The following SOCS5 variants were observed in gnomAD, a reference collection of about 807,000 sequenced individuals.
SOCS5 encodes suppressor of cytokine signaling 5.
In SOCS5, 32 loss-of-function variants were observed where a neutral mutation model predicts 42.8. The observed-to-expected ratio is 0.75, with a 90% confidence interval of 0.56 to 1.01. The LOEUF is 1.01. Ranked by LOEUF, SOCS5 falls within the 50% of genes least tolerant of loss-of-function variation. SOCS5 has a pLI of 0.00. For missense variants in SOCS5, 627 were observed against 653.0 expected (o/e 0.96, Z 0.43); for synonymous variants, 283 against 229.6 (o/e 1.23, Z -2.10).
chr2:46,706,802 G>A (rs1672473398), intron 1 of SOCS5, among the ~76,000 whole-genome samples: 1 of 152,090 alleles, frequency 6.6e-6, no homozygotes, highest in Non-Finnish European at 1.5e-5. Context: ...GAGATCAGCC[G>A]GTGAAGAGGG....
Position 46,699,596 on chromosome 2 carries a change from C to T in SOCS5, c.-13+147C>T, listed in dbSNP as rs1316276698. ...CCCCGCACCGCGGCGGAGGCAGCGC[C>T]GGCCTCTGGCTGGGATGGGCTGGCC... On this transcript the variant is annotated intron_variant, in intron 1 of 1. Coordinates refer to ENST00000394861, the MANE Select transcript of SOCS5 (RefSeq NM_144949.3). This position sits in a 1 kb window ranked among gnomAD's most constrained non-coding sequence, Gnocchi z 4.8. 4 of 152,200 alleles carry T rather than the reference C, an allele frequency of 2.6e-5. No individual in the cohort carries two copies. Among genetic ancestry groups the T allele is most frequent in the Non-Finnish European group, 5.9e-5 (4 of 68,062 alleles). 9.4% of individuals were successfully genotyped at this position (152,200 alleles called of 1,614,324 possible).
intron 1 of SOCS5, among the ~76,000 whole-genome samples, chr2:46,748,716 G>A (rs1392666805): frequency 6.6e-6 from 1 of 152,056 alleles, no homozygotes; most frequent in Non-Finnish European, 1.5e-5. Flanking sequence ...AAGTAAAAAA[G>A]TTGTTATTAT....
intron 1 of SOCS5, among the ~76,000 whole-genome samples, chr2:46,713,959 G>T (rs1466165735): frequency 2.0e-5 from 3 of 151,970 alleles, no homozygotes; most frequent in Admixed American, 2.0e-4. Context: ...TATTTTTCAG[G>T]TATCCTTTTG....
chr2:46,717,677 T>C (rs1340370345), intron 1 of SOCS5, among the ~76,000 whole-genome samples: 1 of 152,200 alleles, frequency 6.6e-6, no homozygotes, highest in Non-Finnish European at 1.5e-5. Flanking sequence ...ATTTCTCTTT[T>C]TATCTTTGGT....
chr2:46,752,308 T>A (rs997228108), intron 1 of SOCS5, among the ~76,000 whole-genome samples: 1 of 152,102 alleles, frequency 6.6e-6, no homozygotes, highest in East Asian at 1.9e-4. Flanking sequence ...TATGAGACTC[T>A]TAACTAATGC....
chr2:46,762,395 A>ACTTG lies in SOCS5; in HGVS notation c.*2255_*2258dup, dbSNP rs1206310601. The ACTTG allele has an allele frequency of 3.0e-5, 5 of 166,740 alleles. No homozygotes were observed. Among genetic ancestry groups the ACTTG allele is most frequent in the Admixed American group, 6.5e-5 (1 of 15,290 alleles). The allele number at this position is 166,740 out of a possible 1,614,324, so 10.3% of individuals were successfully genotyped here. A position where few individuals can be genotyped will look rare whatever the true frequency, so the allele number is the denominator to read the frequency against. ...AGGAAACTTGAAACTCCAAGAAAGC[A>ACTTG]CTTGATGTTTTTATATGCTTGTAGC... is the stretch of plus-strand genomic sequence containing the variant. On this transcript the variant is annotated 3_prime_UTR_variant, in exon 2 of 2. Coordinates refer to ENST00000394861, the MANE Select transcript of SOCS5 (RefSeq NM_144949.3).
At chr2:46,713,314 C>T (rs1672669521) in intron 1 of SOCS5, among the ~76,000 whole-genome samples, 1 of 152,226 alleles carries the variant, frequency 6.6e-6, no homozygotes. Flanking sequence ...TGTGATCATG[C>T]CACTGCACTC....
Position 46,718,874 on chromosome 2 carries a change from T to C in SOCS5, c.-13+19425T>C, listed in dbSNP as rs532406053. On this transcript the variant is annotated intron_variant, in intron 1 of 1. Transcript: ENST00000394861. ...ACATACAGTGATACAGCTTTCTAAA[T>C]GGCAGTTTGGCAATATTCAGAATCC... Among the ~76,000 whole-genome samples, 21 of 152,334 alleles carry C rather than the reference T, an allele frequency of 1.4e-4. 1 individual carries two copies. In the South Asian group the frequency reaches 3.9e-3, roughly 29 times the overall value.
At chr2:46,708,900 T>C (rs925999115) in intron 1 of SOCS5, among the ~76,000 whole-genome samples, 5 of 146,626 alleles carry the variant, frequency 3.4e-5, no homozygotes, top group African/African-American at 1.3e-4. Flanking sequence ...TTTTTTTTTT[T>C]TTTTTGAGAT....
At chr2:46,709,557 G>A (rs895593518) in intron 1 of SOCS5, among the ~76,000 whole-genome samples, 1 of 152,172 alleles carries the variant, frequency 6.6e-6, no homozygotes, top group Non-Finnish European at 1.5e-5. Flanking sequence ...ACTATTAGGA[G>A]TTGGGAAAAA....
At chr2:46,728,420 G>C (rs1673042950) in intron 1 of SOCS5, among the ~76,000 whole-genome samples, 1 of 152,122 alleles carries the variant, frequency 6.6e-6, no homozygotes, top group Admixed American at 6.5e-5. Context: ...TATCATTTGA[G>C]TGCTTACTAT....
intron 1 of SOCS5, among the ~76,000 whole-genome samples, chr2:46,754,674 GTTTA>G (rs1261580993): frequency 6.6e-6 from 1 of 151,878 alleles, no homozygotes; most frequent in Non-Finnish European, 1.5e-5. Flanking sequence ...TGAATTATAT[GTTTA>G]TTTTTTACCC....
intron 1 of SOCS5, among the ~76,000 whole-genome samples, chr2:46,746,486 G>A (rs922616581): frequency 1.3e-5 from 2 of 151,936 alleles, no homozygotes; most frequent in Non-Finnish European, 2.9e-5. Flanking sequence ...CCCGTCTCTA[G>A]TAAAAATACA....
chr2:46,722,784 C>T (rs542847385), intron 1 of SOCS5, among the ~76,000 whole-genome samples: 1 of 152,154 alleles, frequency 6.6e-6, no homozygotes, highest in South Asian at 2.1e-4. Context: ...TGAAAACAGC[C>T]CCACTCACAA....
intron 1 of SOCS5, among the ~76,000 whole-genome samples, chr2:46,720,118 A>G (rs151037860): frequency 6.6e-6 from 1 of 152,180 alleles, no homozygotes; most frequent in Non-Finnish European, 1.5e-5. Flanking sequence ...CAATGTTCTC[A>G]TCATTAAAAC....
rs551394790 is a variant in SOCS5 at position 46,711,245 on chromosome 2, G to T, written c.-13+11796G>T. Among the ~76,000 whole-genome samples the T allele has an allele frequency of 4.1e-4, 62 of 152,170 alleles. 1 individual carries two copies. The highest frequency in any genetic ancestry group is 1.5e-3 in the African/African-American group (61 of 41,450). ...ACTTGCAGAACAATTTAATTTCTGA[G>T]ATAGTTTTACCATTTTACATTCCCA... On this transcript the variant is annotated intron_variant, in intron 1 of 1. Coordinates refer to ENST00000394861, the MANE Select transcript of SOCS5 (RefSeq NM_144949.3).
intron 1 of SOCS5, among the ~76,000 whole-genome samples, chr2:46,712,025 A>G (rs1172302533): frequency 6.6e-6 from 1 of 152,062 alleles, no homozygotes; most frequent in Non-Finnish European, 1.5e-5. Flanking sequence ...TTTAGTTCTT[A>G]TTTTTCAAGA....
chr2:46,746,551 T>C (rs1673501208), intron 1 of SOCS5, among the ~76,000 whole-genome samples: 1 of 151,444 alleles, frequency 6.6e-6, no homozygotes, highest in South Asian at 2.1e-4. Flanking sequence ...CTCGGGAGGC[T>C]GAGGCAGGAG....
chr2:46,728,801 T>G (rs1170632271), intron 1 of SOCS5, among the ~76,000 whole-genome samples: 1 of 152,154 alleles, frequency 6.6e-6, no homozygotes, highest in Non-Finnish European at 1.5e-5. Flanking sequence ...AAGTGATTCG[T>G]CCATCTTGGC....
Sources: allele counts gnomAD v4.1 joint callset (sites outside exome capture counted in the v4.1 genomes callset), GRCh38; gene constraint gnomAD v4.1.1; non-coding constraint Gnocchi (gnomAD v3.1); transcripts MANE v1.5; gene names NCBI Gene and HGNC (gene_info 2026-07-23, HGNC 2026-07-21).